LCTL: variants seen among roughly 807,000 people sequenced by gnomAD.
The protein encoded by LCTL is lactase-like protein.
In LCTL, 76 loss-of-function variants were observed where a neutral mutation model predicts 75.8. That is an observed-to-expected ratio of 1.00 (90% confidence interval 0.83 to 1.21). LCTL has a LOEUF of 1.21. Among genes scored for constraint, LCTL ranks in the 50% most tolerant of loss-of-function variants. LCTL has a pLI of 0.00. For missense variants in LCTL, 670 were observed against 712.4 expected (o/e 0.94, Z 0.68); for synonymous variants, 271 against 268.8 (o/e 1.01, Z -0.08).
chr15:66,551,474 AGATTGAAGTTTACAT>A (rs1224248693), intron 11 of LCTL, among the ~76,000 whole-genome samples, 173 bp downstream of exon 12: 2 of 151,674 alleles, frequency 1.3e-5, no homozygotes, highest in Non-Finnish European at 2.9e-5. Context: ...TAGTGCCCTT[AGATTGAAGTTTACAT>A]CATGCTTGCT....
exon 1 of LCTL, chr15:66,565,440 G>A: frequency 1.0e-6 from 1 of 987,672 alleles, no homozygotes. Flanking sequence ...TGATGGCCAG[G>A]TCTTGGCTTA....
chr15:66,548,036 C>G (rs1895445675), exon 13 of LCTL: 1 of 152,720 alleles, frequency 6.5e-6, no homozygotes, highest in Non-Finnish European at 1.5e-5. Context: ...ATTCACCAGC[C>G]TCAGCCTCCC....
At chr15:66,564,945 C>T (rs1295242498) in intron 1 of LCTL, 106 bp from the exon 3 acceptor site, 20 of 1,070,690 alleles carry the variant, frequency 1.9e-5, no homozygotes, top group Non-Finnish European at 2.4e-5. Flanking sequence ...CTCCCTACCA[C>T]GCTGCCCCTG....
intron 6 of LCTL, among the ~76,000 whole-genome samples, chr15:66,558,687 G>GTT (rs11354993): frequency 1.2e-4 from 12 of 97,540 alleles, no homozygotes; most frequent in East Asian, 5.5e-4. Flanking sequence ...GTGTGTGTGT[G>GTT]TTTTTTTTTT....
At position 66,551,880 on chromosome 15, in the gene LCTL, C is replaced by G; in HGVS notation, c.1325-19G>C. 1.3e-6 allele frequency: 2 copies of G among 1,577,664 alleles called. No homozygotes were observed. Among genetic ancestry groups the G allele is most frequent in the Non-Finnish European group, 1.7e-6 (2 of 1,155,808 alleles). On this transcript the variant is annotated intron_variant, in intron 10 of 12. Transcript: ENST00000341509. ...TTTATAGCTGCAAAGACATTTTATT[C>G]CATTTTAAATATATTTCATTTACTT...
chr15:66,552,001 G>A (rs778891986), intron 10 of LCTL, 42 bp downstream of exon 11: 2 of 1,592,458 alleles, frequency 1.3e-6, no homozygotes, highest in Non-Finnish European at 1.7e-6. Context: ...TTTTGTCTCA[G>A]TTAAACGGGA....
intron 9 of LCTL, 43 bp downstream of exon 10, chr15:66,552,941 T>C (rs1895645269): frequency 7.1e-7 from 1 of 1,418,362 alleles, no homozygotes; most frequent in African/African-American, 1.5e-5. Context: ...AGAACATGAA[T>C]TCAAGTCTAA....
At chr15:66,549,841 G>A (rs1257292849) in intron 12 of LCTL, 200 bp downstream of exon 13, 6 of 423,766 alleles carry the variant, frequency 1.4e-5, no homozygotes, top group Non-Finnish European at 1.7e-5. Flanking sequence ...TGGATAAAAT[G>A]TTTATCTTTC....
At chr15:66,563,527 C>G in exon 4 of LCTL, 4 of 1,611,454 alleles carry the variant, frequency 2.5e-6, no homozygotes, top group Non-Finnish European at 3.4e-6. Flanking sequence ...TGTGGCAGAT[C>G]CCAGTGGTGC....
At chr15:66,548,299 G>T (rs1895455943) in exon 13 of LCTL, 3 of 350,622 alleles carry the variant, frequency 8.6e-6, no homozygotes, top group African/African-American at 4.3e-5. Context: ...GATTACAAGT[G>T]TTTTTTTTTT....
chr15:66,565,385 T>G lies in LCTL; in HGVS notation c.-20A>C. The G allele has an allele frequency of 2.0e-6, 3 of 1,493,204 alleles. No homozygotes were observed. The highest frequency in any genetic ancestry group is 2.8e-6 in the Non-Finnish European group (3 of 1,084,916). The allele number at this position is 1,493,204 out of a possible 1,614,324, so 92.5% of individuals were successfully genotyped here. ...CTTCATGGTGCCTGGCCCTCCCCCA[T>G]ACCTGAAAAAGTGCAGCTGGCTCTG... On this transcript the variant is annotated 5_prime_UTR_variant, in exon 1 of 13. An upstream start codon of the reference 5' UTR is lost. Transcript: ENST00000341509.
intron 8 of LCTL, among the ~76,000 whole-genome samples, chr15:66,557,035 G>A (rs1370177287): frequency 1.3e-5 from 2 of 152,116 alleles, no homozygotes; most frequent in Non-Finnish European, 2.9e-5. Context: ...GTGTAAAGAT[G>A]CGATGCCTGG....
chr15:66,560,482 G>A (rs1180582554), intron 6 of LCTL, among the ~76,000 whole-genome samples: 2 of 152,142 alleles, frequency 1.3e-5, no homozygotes. Flanking sequence ...GCTCCTTCAA[G>A]CAGAGGCCAT....
chr15:66,561,072 G>T, exon 6 of LCTL: 2 of 1,614,190 alleles, frequency 1.2e-6, no homozygotes, highest in South Asian at 2.2e-5. Flanking sequence ...GCGCATGGTG[G>T]CCCGTCTCAT....
chr15:66,561,645 G>A (rs1486628962), intron 4 of LCTL, among the ~76,000 whole-genome samples: 2 of 152,172 alleles, frequency 1.3e-5, no homozygotes, highest in Non-Finnish European at 2.9e-5. Flanking sequence ...TTCGGCAGAG[G>A]GCTTTCCCAA....
At chr15:66,552,667 CAAAA>C (rs752480803) in intron 9 of LCTL, among the ~76,000 whole-genome samples, 7 of 53,116 alleles carry the variant, frequency 1.3e-4, no homozygotes, top group South Asian at 7.6e-4. Flanking sequence ...GAGACTGTCT[CAAAA>C]AAAAAAAAAA....
intron 10 of LCTL, 28 bp from the exon 12 acceptor site, chr15:66,551,889 A>T: frequency 6.4e-7 from 1 of 1,560,394 alleles, no homozygotes. Flanking sequence ...TCCATTTTAA[A>T]TATATTTCAT....
intron 11 of LCTL, 111 bp downstream of exon 12, chr15:66,551,551 C>T (rs970459722): frequency 9.8e-6 from 8 of 816,356 alleles, no homozygotes; most frequent in African/African-American, 5.1e-5. Context: ...CCGCATGCCC[C>T]GTCCTCTTTC....
chr15:66,551,633 G>A (rs749146693), intron 11 of LCTL, 29 bp downstream of exon 12: 36 of 1,576,754 alleles, frequency 2.3e-5, no homozygotes, highest in Non-Finnish European at 1.7e-6. Context: ...CTAAAGTTCA[G>A]AACAGATAAC....
Sources: allele counts gnomAD v4.1 joint callset (sites outside exome capture counted in the v4.1 genomes callset), GRCh38; gene constraint gnomAD v4.1.1; transcripts MANE v1.5; gene names NCBI Gene and HGNC (gene_info 2026-07-23, HGNC 2026-07-21).